The following LRP8 variants were observed in gnomAD, a reference collection of about 807,000 sequenced individuals.
LRP8 encodes the protein low-density lipoprotein receptor-related protein 8.
In LRP8, 46 loss-of-function variants were observed where a neutral mutation model predicts 111.6. The ratio of observed to expected loss-of-function variants is 0.41; its 90% CI spans 0.33 to 0.53. LRP8 has a LOEUF of 0.53. Among genes scored for constraint, LRP8 ranks in the 20% least tolerant of loss-of-function variants. The pLI is 0.20. For missense variants in LRP8, 959 were observed against 1,297.4 expected, an observed-to-expected ratio of 0.74 and a Z score of 4.01; for synonymous variants, 464 against 511.2, an observed-to-expected ratio of 0.91 and a Z score of 1.24.
chr1:53,248,766 C>T (rs1004851175), intron 18 of LRP8, among the ~76,000 whole-genome samples: 4 of 152,196 alleles, frequency 2.6e-5, no homozygotes. Flanking sequence ...TAACACTCAT[C>T]GGGAGTAACT....
intron 2 of LRP8, among the ~76,000 whole-genome samples, chr1:53,323,849 TAA>T (rs1329172251): frequency 1.3e-5 from 2 of 152,240 alleles, no homozygotes; most frequent in Non-Finnish European, 2.9e-5. Flanking sequence ...TTTTAAATGG[TAA>T]ACTCTGGGGG....
rs764992972 is a variant in LRP8 at position 53,275,591 on chromosome 1, T to A, written c.1006+40A>T. On this transcript the variant is annotated intron_variant, in intron 6 of 18. Coordinates refer to ENST00000306052, the MANE Select transcript of LRP8 (RefSeq NM_004631.5). The surrounding 1 kb of genome is among the most constrained non-coding windows in gnomAD (Gnocchi z 4.4). ...TGGAGAGTTACCAGAGCCTAGGGCATCCTCACAGAGGATGTGTTCTGTGCC... is the reference window on the plus strand; with the variant it reads ...TGGAGAGTTACCAGAGCCTAGGGCAACCTCACAGAGGATGTGTTCTGTGCC... 3.1e-6 allele frequency: 5 copies of A among 1,609,334 alleles called. No homozygotes were observed. Among genetic ancestry groups the A allele is most frequent in the Non-Finnish European group, 4.2e-6 (5 of 1,176,752 alleles).
intron 8 of LRP8, among the ~76,000 whole-genome samples, chr1:53,269,786 T>C (rs1053720943): frequency 1.3e-5 from 2 of 152,224 alleles, no homozygotes; most frequent in Admixed American, 6.5e-5. Context: ...ATTTATCTGA[T>C]TTCTAGCCTG....
At position 53,252,438 on chromosome 1, in the gene LRP8, A is replaced by G. The variant is rs994240543; in HGVS notation, c.2504-1576T>C. On this transcript the variant is annotated intron_variant, in intron 16 of 18. Transcript: ENST00000306052. ...GTAGTCCCAGCTACTCGGGATGCTG[A>G]GGCAGGAGAATCCCTTGAGCCCAGG... Among the ~76,000 whole-genome samples the G allele has an allele frequency of 2.6e-5, 4 of 152,260 alleles. No individual in the cohort carries two copies. In the East Asian group the frequency reaches 7.7e-4, roughly 29 times the overall value.
chr1:53,295,217 G>T (rs1046288446), intron 2 of LRP8, among the ~76,000 whole-genome samples: 2 of 152,224 alleles, frequency 1.3e-5, no homozygotes, highest in African/African-American at 2.4e-5. Context: ...GTTCAAGGAA[G>T]AGGAGTCAGC....
chr1:53,283,426 TACTTACTACATACCCGGGCC>T lies in LRP8; in HGVS notation c.368-2731_368-2712del, dbSNP rs1467330534. The stretch of plus-strand genomic sequence containing the variant: ...ACATAAGTGGCATACCCGGGCCACT[TACTTACTACATACCCGGGCC>T]ACTTACTTACTACATACCCGGGCCA... On this transcript the variant is annotated intron_variant, in intron 3 of 18. Coordinates refer to ENST00000306052, the MANE Select transcript of LRP8 (RefSeq NM_004631.5). Among the ~76,000 whole-genome samples, 117 of 146,778 alleles carry T rather than the reference TACTTACTACATACCCGGGCC, an allele frequency of 8.0e-4. No individual in the cohort carries two copies. The East Asian group carries it at 0.015, about 19-fold the overall frequency.
At chr1:53,274,353 A>G (rs543739272) in intron 6 of LRP8, among the ~76,000 whole-genome samples, 1 of 152,348 alleles carries the variant, frequency 6.6e-6, no homozygotes, top group Non-Finnish European at 1.5e-5. Context: ...CTCAGAGCCC[A>G]GGGCCTTGGC....
intron 4 of LRP8, among the ~76,000 whole-genome samples, chr1:53,280,187 C>T (rs546162142): frequency 4.0e-4 from 61 of 152,304 alleles, no homozygotes; most frequent in African/African-American, 1.3e-3. Flanking sequence ...ACGCAGCACC[C>T]TCCCTGGTCC....
At chr1:53,314,195 G>A (rs1344039262) in intron 2 of LRP8, among the ~76,000 whole-genome samples, 1 of 152,230 alleles carries the variant, frequency 6.6e-6, no homozygotes, top group Non-Finnish European at 1.5e-5. Context: ...AGTCATTGCA[G>A]GATCTGGGCG....
At chr1:53,276,428 G>C (rs1193220999) in intron 5 of LRP8, among the ~76,000 whole-genome samples, 1 of 151,942 alleles carries the variant, frequency 6.6e-6, no homozygotes, top group South Asian at 2.1e-4. Flanking sequence ...CGGGGGATGG[G>C]GGTGGGAAGT....
At chr1:53,316,755 G>A (rs536849772) in intron 2 of LRP8, among the ~76,000 whole-genome samples, 4 of 152,368 alleles carry the variant, frequency 2.6e-5, no homozygotes, top group South Asian at 2.1e-4. Flanking sequence ...ATGGCCACTC[G>A]GCAAGGTGGG....
Position 53,249,514 on chromosome 1 carries a change from G to A in LRP8, c.2719C>T (p.Leu907Phe). Residue 907 changes from leucine to phenylalanine, a missense_variant, in exon 18 of 19, where the codon CTT becomes TTT. By Grantham distance (22) the Leu-to-Phe change is conservative. Around this residue, in one of 3 missense-constraint regions of LRP8, gnomAD observed 819 missense variants for 1,097.6 expected, o/e 0.75. Coordinates refer to ENST00000306052, the MANE Select transcript of LRP8 (RefSeq NM_004631.5). The surrounding 1 kb of genome is among the most constrained non-coding windows in gnomAD (Gnocchi z 4.1). ...FDRPLWAEPC[L>F]GETREPEDPA... is the part of the protein sequence containing the mutation. ...TCTTCCGGTTCTCTGGTCTCCCCAA[G>A]ACAGGGCTCTGCCCACAGTGGGCGA... 6.2e-7 allele frequency: 1 copy of A among 1,612,908 alleles called. No homozygotes were observed. The highest frequency in any genetic ancestry group is 8.5e-7 in the Non-Finnish European group (1 of 1,179,194).
At position 53,293,185 on chromosome 1, in the gene LRP8, C is replaced by A. The variant is rs1649101840; in HGVS notation, c.245-3496G>T. On this transcript the variant is annotated intron_variant, in intron 2 of 18. Coordinates refer to ENST00000306052, the MANE Select transcript of LRP8 (RefSeq NM_004631.5). This position sits in a 1 kb window ranked among gnomAD's most constrained non-coding sequence, Gnocchi z 4.9. ...GGGATTCTGAAAGCCTGGGGGTGAT[C>A]TTGTCCTCCTCCATGTGCCAAGCCC... Among the ~76,000 whole-genome samples the A allele has an allele frequency of 6.6e-6, 1 of 152,244 alleles. No individual in the cohort carries two copies.
intron 4 of LRP8, among the ~76,000 whole-genome samples, chr1:53,278,839 G>A (rs1445062657): frequency 2.0e-5 from 3 of 150,418 alleles, no homozygotes; most frequent in Non-Finnish European, 4.4e-5. Flanking sequence ...TGTGCTCTCA[G>A]CTCACTGCAA....
Position 53,327,824 on chromosome 1 carries a change from G to T in LRP8, c.89C>A (p.Ala30Glu), listed in dbSNP as rs781567195. Reference protein sequence around the residue: ...LLLLLQLQHLAAAAADPLLGG... With the variant: ...LLLLLQLQHLEAAAADPLLGG... ...GAGCAGCGGATCAGCCGCTGCCGCC[G>T]CAAGATGCTGGAGCTGCAGCAGCAG... The change falls in exon 1 of 19, where the codon GCG becomes GAG. Residue 30 changes from alanine to glutamate, a missense_variant. Ala to Glu is a moderately radical substitution (Grantham distance 107). Coordinates refer to ENST00000306052, the MANE Select transcript of LRP8 (RefSeq NM_004631.5). 2.0e-6 allele frequency: 3 copies of T among 1,512,068 alleles called. No homozygotes were observed. The South Asian group carries it at 3.7e-5, about 18-fold the overall frequency. The allele number at this position is 1,512,068 out of a possible 1,614,324, so 93.7% of individuals were successfully genotyped here.
intron 2 of LRP8, among the ~76,000 whole-genome samples, chr1:53,324,097 G>A (rs962708893): frequency 6.6e-6 from 1 of 152,238 alleles, no homozygotes; most frequent in African/African-American, 2.4e-5. Flanking sequence ...CCCTCTTGCA[G>A]GGTGGTGTGC....
At chr1:53,327,136 CA>C (rs1276474892) in intron 1 of LRP8, 144 bp from the exon 2 acceptor site, 1 of 1,130,338 alleles carries the variant, frequency 8.8e-7, no homozygotes, top group African/African-American at 1.6e-5. Flanking sequence ...ACACTCCATC[CA>C]AAGGGAGGGC....
intron 13 of LRP8, among the ~76,000 whole-genome samples, chr1:53,259,350 G>A (rs1646237168): frequency 6.6e-6 from 1 of 151,976 alleles, no homozygotes; most frequent in Non-Finnish European, 1.5e-5. Flanking sequence ...GGGCTCAAGT[G>A]ATCCTCCTGC....
intron 3 of LRP8, 173 bp downstream of exon 3, chr1:53,289,394 A>G: frequency 2.3e-6 from 2 of 882,698 alleles, no homozygotes; most frequent in East Asian, 6.0e-5. Context: ...AAGAAAGTCC[A>G]GAAACAGGTC....
Sources: gnomAD v4.1 joint callset for allele counts (sites outside exome capture counted in the v4.1 genomes callset) on GRCh38, gnomAD v4.1.1 for gene constraint, gnomAD v4.1.1 regional missense constraint, Gnocchi (gnomAD v3.1) non-coding constraint, MANE v1.5 for transcripts, NCBI Gene and HGNC (gene_info 2026-07-23, HGNC 2026-07-21) for gene names.